HMCN1: variants seen among roughly 807,000 people sequenced by gnomAD.
The protein encoded by HMCN1 is hemicentin-1.
In HMCN1, 321 loss-of-function variants were observed where a neutral mutation model predicts 625.9. The ratio of observed to expected loss-of-function variants is 0.51; its 90% CI spans 0.47 to 0.56. The LOEUF (loss-of-function observed/expected upper bound fraction) is 0.56. HMCN1 is among the 20% of genes least tolerant of loss of function. HMCN1 has a pLI of 0.00. For synonymous variants in HMCN1, 2,425 were observed against 2,417.6 expected (o/e 1.00, Z -0.09); for missense variants, 6,588 against 6,887.3 (o/e 0.96, Z 1.54).
intron 1 of HMCN1, among the ~76,000 whole-genome samples, chr1:185,784,143 C>A (rs924872191): frequency 1.3e-5 from 2 of 152,224 alleles, no homozygotes; most frequent in South Asian, 4.1e-4. Flanking sequence ...GGCGTGGGAC[C>A]CTCCAAGCCA....
chr1:186,067,757 A>T (rs565556010), intron 49 of HMCN1, 77 bp from the exon 50 acceptor site: 2 of 948,146 alleles, frequency 2.1e-6, no homozygotes, highest in Non-Finnish European at 1.7e-6. Flanking sequence ...ATACAAATAC[A>T]TATAATGGAA....
chr1:185,977,898 G>T lies in HMCN1; in HGVS notation c.2483G>T (p.Arg828Ile). 6.2e-7 allele frequency: 1 copy of T among 1,613,424 alleles called. No individual in the cohort carries two copies. Among genetic ancestry groups the T allele is most frequent in the Non-Finnish European group, 8.5e-7 (1 of 1,179,584 alleles). Residue 828 changes from arginine (R) to isoleucine (I), a missense_variant, in exon 16 of 107, where the codon AGA (arginine) becomes ATA (isoleucine). Around this residue, in one of 3 missense-constraint regions of HMCN1, gnomAD observed 4,628 missense variants for 4,853.1 expected, o/e 0.95. Coordinates refer to ENST00000271588, the MANE Select transcript of HMCN1 (RefSeq NM_031935.3). Reference protein sequence around the residue: ...GYPEPTIKWRRLDNMPIFSRP... With the variant: ...GYPEPTIKWRILDNMPIFSRP... ...CCAGAACCAACAATCAAATGGCGAA[G>T]ATTAGACAACATGCCAATTTTCTCA...
At chr1:185,781,863 T>G (rs950710902) in intron 1 of HMCN1, among the ~76,000 whole-genome samples, 4 of 152,234 alleles carry the variant, frequency 2.6e-5, no homozygotes, top group African/African-American at 9.6e-5. Flanking sequence ...GTCTATTAGG[T>G]CTGCTTGGTG....
chr1:186,027,106 T>C (rs971424428), intron 36 of HMCN1, among the ~76,000 whole-genome samples: 4 of 152,202 alleles, frequency 2.6e-5, no homozygotes, highest in African/African-American at 4.8e-5. Flanking sequence ...TTCTTAGTCA[T>C]AGCAAAGGCT....
At chr1:186,127,605 A>G (rs1661710819) in intron 82 of HMCN1, among the ~76,000 whole-genome samples, 1 of 152,134 alleles carries the variant, frequency 6.6e-6, no homozygotes, top group Non-Finnish European at 1.5e-5. Flanking sequence ...ATCAAGAAAG[A>G]TGAGTGATGA....
At chr1:185,838,091 A>C (rs1558006489) in intron 1 of HMCN1, among the ~76,000 whole-genome samples, 1 of 152,248 alleles carries the variant, frequency 6.6e-6, no homozygotes, top group East Asian at 1.9e-4. Context: ...CCACGTGGGC[A>C]TCAGAAGGTT....
intron 35 of HMCN1, among the ~76,000 whole-genome samples, chr1:186,022,381 G>A (rs139098144): frequency 6.6e-6 from 1 of 152,276 alleles, no homozygotes; most frequent in African/African-American, 2.4e-5. Flanking sequence ...GTTTCAAGGA[G>A]TTGGTAGTCA....
intron 4 of HMCN1, among the ~76,000 whole-genome samples, chr1:185,870,482 GA>G (rs1663542831): frequency 1.3e-5 from 2 of 151,832 alleles, no homozygotes; most frequent in East Asian, 1.9e-4. Flanking sequence ...CCCTTCCCTC[GA>G]AAAAAACTTA....
At chr1:186,180,106 G>A (rs192852453) in intron 104 of HMCN1, among the ~76,000 whole-genome samples, 10 of 152,132 alleles carry the variant, frequency 6.6e-5, no homozygotes, top group Admixed American at 5.9e-4. Flanking sequence ...TGTCCCACGT[G>A]GTCAAATACT....
At chr1:185,952,972 T>G (rs1248161631) in intron 11 of HMCN1, among the ~76,000 whole-genome samples, 1 of 150,786 alleles carries the variant, frequency 6.6e-6, no homozygotes, top group Non-Finnish European at 1.5e-5. Context: ...AAATAAGGGA[T>G]TGGGGCACAG....
chr1:186,060,913 C>T (rs114444296), intron 46 of HMCN1, among the ~76,000 whole-genome samples: 94 of 152,164 alleles, frequency 6.2e-4, no homozygotes, highest in African/African-American at 2.0e-3. Flanking sequence ...TTTCTAAGCA[C>T]GAATCAGATC....
At position 186,166,290 on chromosome 1, in the gene HMCN1, A is replaced by C; in HGVS notation, c.15426A>C (p.Gly5142=). 1.9e-6 allele frequency: 3 copies of C among 1,614,152 alleles called. No homozygotes were observed. The Middle Eastern group carries it at 4.9e-4, about 266-fold the overall frequency. ...AAGGCCTCACCATAGCTGCAGATGG[A>C]AGAACTTGTCAAGGTATTCACAAAT... ...CPKGLTIAAD[G]RTCQDIDECA... Residue 5142 remains glycine (G), a synonymous_variant, in exon 99 of 107, where the codon GGA becomes GGC. Coordinates refer to ENST00000271588, the MANE Select transcript of HMCN1 (RefSeq NM_031935.3).
intron 103 of HMCN1, among the ~76,000 whole-genome samples, chr1:186,177,897 C>A (rs1652698792): frequency 6.7e-6 from 1 of 149,960 alleles, no homozygotes; most frequent in Non-Finnish European, 1.5e-5. Context: ...TTTTTTTTTC[C>A]AGAGGAAGAT....
At chr1:185,872,021 C>A (rs1663650038) in intron 4 of HMCN1, among the ~76,000 whole-genome samples, 1 of 152,168 alleles carries the variant, frequency 6.6e-6, no homozygotes, top group Non-Finnish European at 1.5e-5. Flanking sequence ...CGGGTGTTTC[C>A]TCTGAAATTT....
At chr1:186,156,069 T>C (rs989774019) in intron 97 of HMCN1, among the ~76,000 whole-genome samples, 1 of 152,198 alleles carries the variant, frequency 6.6e-6, no homozygotes, top group African/African-American at 2.4e-5. Context: ...GAAAACTCAC[T>C]AACATAAGTC....
intron 2 of HMCN1, among the ~76,000 whole-genome samples, chr1:185,849,194 A>C (rs1292061105): frequency 1.3e-5 from 2 of 151,960 alleles, no homozygotes; most frequent in African/African-American, 4.8e-5. Flanking sequence ...GAGCTTCCCC[A>C]TATCTGTATC....
At chr1:186,110,977 C>CTTTTTTTGTTTTTTT (rs1660848737) in intron 71 of HMCN1, among the ~76,000 whole-genome samples, 1 of 61,648 alleles carries the variant, frequency 1.6e-5, no homozygotes, top group African/African-American at 9.8e-5. Flanking sequence ...AGAGAAAATT[C>CTTTTTTTGTTTTTTT]TTTTTTTTTT....
chr1:185,968,859 T>C (rs1650606309), intron 14 of HMCN1, among the ~76,000 whole-genome samples: 1 of 152,168 alleles, frequency 6.6e-6, no homozygotes, highest in African/African-American at 2.4e-5. Context: ...AGCTTCTCAA[T>C]AATTTGATGA....
intron 97 of HMCN1, among the ~76,000 whole-genome samples, chr1:186,156,077 G>A (rs557080496): frequency 9.9e-5 from 15 of 152,174 alleles, no homozygotes; most frequent in African/African-American, 3.1e-4. Context: ...ACTAACATAA[G>A]TCAGTGTCAT....
Sources: gnomAD v4.1 joint callset for allele counts (sites outside exome capture counted in the v4.1 genomes callset) on GRCh38, gnomAD v4.1.1 for gene constraint, gnomAD v4.1.1 regional missense constraint, MANE v1.5 for transcripts, NCBI Gene and HGNC (gene_info 2026-07-23, HGNC 2026-07-21) for gene names.